Variants in EXOC4 observed in about 807,000 individuals in gnomAD.
EXOC4 encodes the protein SEC8-like 1.
Under a neutral mutation model 107.2 loss-of-function variants are expected in EXOC4, and 71 were observed. That is an observed-to-expected ratio of 0.66 (90% confidence interval 0.55 to 0.81). The LOEUF (loss-of-function observed/expected upper bound fraction) is 0.81, where lower values mean the gene tolerates loss of function less well. Among genes scored for constraint, EXOC4 ranks in the 30% least tolerant of loss-of-function variants. The pLI, the probability that EXOC4 is intolerant of heterozygous loss-of-function variation, is 0.00. For missense variants in EXOC4, 1,108 were observed against 1,189.6 expected (o/e 0.93, Z 1.01); for synonymous variants, 456 against 441.2 (o/e 1.03, Z -0.42).
intron 10 of EXOC4, among the ~76,000 whole-genome samples, chr7:133,706,105 G>C (rs191053215): frequency 6.6e-6 from 1 of 152,228 alleles, no homozygotes; most frequent in African/African-American, 2.4e-5. Context: ...TTTCTGTCAG[G>C]TTGTGTATAA....
chr7:133,904,295 G>A (rs1799520099), intron 12 of EXOC4, among the ~76,000 whole-genome samples: 1 of 152,238 alleles, frequency 6.6e-6, no homozygotes, highest in Non-Finnish European at 1.5e-5. Flanking sequence ...GGAAGTAGCG[G>A]TGGAGGAGGG....
intron 7 of EXOC4, 23 bp from the exon 8 acceptor site, chr7:133,475,305 A>G: frequency 6.3e-7 from 1 of 1,575,710 alleles, no homozygotes; most frequent in Middle Eastern, 1.7e-4. Context: ...TATTAACATT[A>G]ACTGATTTAT....
intron 17 of EXOC4, among the ~76,000 whole-genome samples, chr7:134,013,470 G>A (rs957966433): frequency 1.3e-4 from 20 of 152,150 alleles, no homozygotes; most frequent in Non-Finnish European, 1.9e-4. Flanking sequence ...TGACCTCCTG[G>A]ATGGGGTCCT....
In EXOC4 at chr7:133,857,562, CTGAGGG is replaced by C. The variant is rs529123995; in HGVS notation, c.1735-38036_1735-38031del. 1.7e-3 allele frequency among the ~76,000 whole-genome samples: 263 copies of C among 150,314 alleles called. 4 individuals are homozygous for C. Among genetic ancestry groups the C allele is most frequent in the African/African-American group, 5.9e-3 (241 of 40,880 alleles). On this transcript the variant is annotated intron_variant, in intron 11 of 17. Coordinates refer to ENST00000253861, the MANE Select transcript of EXOC4 (RefSeq NM_021807.4). ...TGCTACAGACCCAGACCCATGCCCACTGAGGGCAAGCCAGGCATGGAGCAGCGAGGG... is the reference window on the plus strand; with the variant it reads ...TGCTACAGACCCAGACCCATGCCCACCAAGCCAGGCATGGAGCAGCGAGGG...
chr7:133,401,766 CT>C (rs949001194), intron 7 of EXOC4, among the ~76,000 whole-genome samples: 274 of 150,424 alleles, frequency 1.8e-3, no homozygotes, highest in East Asian at 2.9e-3. Context: ...CATGATTTTC[CT>C]TTTTTTTTGT....
In EXOC4 at chr7:134,004,893, C is replaced by A. The variant is rs111919337; in HGVS notation, c.2349-19C>A. Reference sequence around the variant, plus strand: ...AAGGATTTATTATTAACTGCTCTCCCTATCTCTCTCTTTTTCAGGGTTCAC... The same window carrying A: ...AAGGATTTATTATTAACTGCTCTCCATATCTCTCTCTTTTTCAGGGTTCAC... On this transcript the variant is annotated intron_variant, in intron 15 of 17. Coordinates refer to ENST00000253861, the MANE Select transcript of EXOC4 (RefSeq NM_021807.4). 1.1e-3 allele frequency: 1,744 copies of A among 1,604,570 alleles called. 18 individuals are homozygous for A. In the African/African-American group the frequency reaches 0.021, roughly 19 times the overall value.
intron 9 of EXOC4, among the ~76,000 whole-genome samples, chr7:133,516,266 C>T (rs866284569): frequency 3.3e-5 from 5 of 152,220 alleles, no homozygotes; most frequent in Admixed American, 2.6e-4. Context: ...TTAGGGTGTT[C>T]ACAAAGTATA....
At chr7:133,878,508 A>G (rs1406492712) in intron 11 of EXOC4, among the ~76,000 whole-genome samples, 4 of 152,182 alleles carry the variant, frequency 2.6e-5, no homozygotes, top group Non-Finnish European at 5.9e-5. Flanking sequence ...ATGGTGTTAT[A>G]TTCATATTCT....
intron 10 of EXOC4, among the ~76,000 whole-genome samples, chr7:133,693,200 T>G (rs1195184623): frequency 2.0e-5 from 3 of 152,180 alleles, no homozygotes; most frequent in Non-Finnish European, 1.5e-5. Context: ...CAGTGCACCC[T>G]TCAGTCTGTG....
intron 6 of EXOC4, among the ~76,000 whole-genome samples, chr7:133,362,211 T>C (rs949748109): frequency 6.6e-6 from 1 of 152,222 alleles, no homozygotes; most frequent in Non-Finnish European, 1.5e-5. Context: ...TAATAAAATT[T>C]TCAACACTTT....
At chr7:133,414,108 G>C (rs1797420667) in intron 7 of EXOC4, among the ~76,000 whole-genome samples, 1 of 152,100 alleles carries the variant, frequency 6.6e-6, no homozygotes. Flanking sequence ...TCCAGGATTT[G>C]AAAGAAGTCA....
intron 10 of EXOC4, among the ~76,000 whole-genome samples, chr7:133,713,199 G>A (rs1033105510): frequency 1.3e-5 from 2 of 152,134 alleles, no homozygotes; most frequent in African/African-American, 4.8e-5. Flanking sequence ...ATAAAGACAA[G>A]TCCTCATATG....
intron 14 of EXOC4, among the ~76,000 whole-genome samples, chr7:133,959,919 C>T (rs1398979301): frequency 6.6e-6 from 1 of 152,138 alleles, no homozygotes; most frequent in East Asian, 1.9e-4. Flanking sequence ...TACAAGTTCT[C>T]AGAAAACTTA....
intron 10 of EXOC4, among the ~76,000 whole-genome samples, chr7:133,655,471 G>A (rs1803268158): frequency 6.6e-6 from 1 of 152,040 alleles, no homozygotes; most frequent in South Asian, 2.1e-4. Context: ...ATGACATTTA[G>A]CTTAAAACAC....
intron 17 of EXOC4, among the ~76,000 whole-genome samples, chr7:134,038,347 GC>G (rs1375462758): frequency 3.3e-5 from 5 of 152,090 alleles, no homozygotes; most frequent in African/African-American, 4.8e-5. Flanking sequence ...GATATATTAG[GC>G]ATTACAGAAT....
chr7:133,489,206 AAG>A (rs1439655064), intron 9 of EXOC4, among the ~76,000 whole-genome samples: 2 of 152,058 alleles, frequency 1.3e-5, no homozygotes, highest in African/African-American at 4.8e-5. Context: ...GTTGTAACCA[AAG>A]AGAGGATCTC....
At chr7:133,569,873 A>G (rs373448465) in intron 9 of EXOC4, among the ~76,000 whole-genome samples, 6 of 152,270 alleles carry the variant, frequency 3.9e-5, no homozygotes, top group Admixed American at 2.6e-4. Flanking sequence ...CAGATTCTAT[A>G]TTTTACATCT....
At chr7:133,355,532 A>G (rs994116878) in intron 5 of EXOC4, among the ~76,000 whole-genome samples, 1 of 152,128 alleles carries the variant, frequency 6.6e-6, no homozygotes, top group Non-Finnish European at 1.5e-5. Flanking sequence ...TCCTATCAGC[A>G]GTTCTCCCCT....
At chr7:133,489,569 T>C (rs763546500) in intron 9 of EXOC4, among the ~76,000 whole-genome samples, 20 of 152,128 alleles carry the variant, frequency 1.3e-4, no homozygotes, top group Non-Finnish European at 2.1e-4. Flanking sequence ...TCCTCCCAAC[T>C]TACCTGCTCC....
Sources: gnomAD v4.1 joint callset for allele counts (sites outside exome capture counted in the v4.1 genomes callset) on GRCh38, gnomAD v4.1.1 for gene constraint, MANE v1.5 for transcripts, NCBI Gene and HGNC (gene_info 2026-07-23, HGNC 2026-07-21) for gene names.